SLC12A7: variants seen among roughly 807,000 people sequenced by gnomAD.
SLC12A7 encodes the protein solute carrier family 12 member 7, also known as K-Cl cotransporter 4.
Under a neutral mutation model 120.6 loss-of-function variants are expected in SLC12A7, and 100 were observed. That is an observed-to-expected ratio of 0.83 (90% CI 0.71 to 0.98). SLC12A7 has a LOEUF of 0.98. Ranked by LOEUF, SLC12A7 falls within the 50% of genes least tolerant of loss-of-function variation. The pLI is 0.00. For synonymous variants in SLC12A7, 760 were observed against 678.0 expected (o/e 1.12, Z -1.88); for missense variants, 1,373 against 1,548.1 (o/e 0.89, Z 1.90).
chr5:1,069,406 C>T (rs545129663), intron 17 of SLC12A7, among the ~76,000 whole-genome samples: 4 of 152,290 alleles, frequency 2.6e-5, no homozygotes, highest in South Asian at 2.1e-4. Context: ...ACCGGGGAGG[C>T]GGTGGGGGGC....
At chr5:1,113,916 G>A (rs551068281), upstream of SLC12A7, among the ~76,000 whole-genome samples, 54 of 152,214 alleles carry the variant, frequency 3.5e-4, no homozygotes, top group Non-Finnish European at 6.8e-4. Flanking sequence ...GGGTGGGCAC[G>A]AGGCCTTCCC....
rs759339546 is a variant in SLC12A7 at position 1,053,392 on chromosome 5, G to A, written c.3117C>T (p.Leu1039=). 13 of 1,613,920 alleles carry A rather than the reference G, an allele frequency of 8.1e-6. No homozygotes were observed. In the African/African-American group the frequency reaches 1.2e-4, roughly 15 times the overall value. ...GGTTTTTGGGAGGACCTGGCATGTT[G>A]AGCAGGACCAGCTGCGCATCCTGGG... ...NKSQDAQLVL[L]NMPGPPKNRQ... is the part of the protein sequence containing the mutation. The change falls in exon 23 of 24, where the codon CTC becomes CTT. Residue 1039 remains leucine (L), a synonymous_variant. Coordinates refer to ENST00000264930, the MANE Select transcript of SLC12A7 (RefSeq NM_006598.3).
chr5:1,069,120 C>T (rs976034055), intron 17 of SLC12A7, among the ~76,000 whole-genome samples: 3 of 152,244 alleles, frequency 2.0e-5, no homozygotes, highest in African/African-American at 7.2e-5. Flanking sequence ...GCCATGACGC[C>T]GCCGTCAGGG....
intron 17 of SLC12A7, among the ~76,000 whole-genome samples, chr5:1,068,741 T>A (rs144540229): frequency 2.0e-5 from 3 of 152,372 alleles, no homozygotes; most frequent in African/African-American, 7.2e-5. Context: ...ACGGAGAGGA[T>A]CTGCCTGTGA....
Position 1,078,744 on chromosome 5 carries a change from C to T in SLC12A7, c.1411G>A (p.Val471Met). ...CCTTCAATGCAGGCCCCAAACAGCA[C>T]AATGCAGGAGAGATCCACAGCCCTC... ...TTSFIYLSCI[V>M]LFGACIEGVV... Residue 471 changes from valine to methionine, a missense_variant, in exon 11 of 24, where the codon GTG (valine) becomes ATG (methionine). By Grantham distance (21) the Val-to-Met change is conservative. Coordinates refer to ENST00000264930, the MANE Select transcript of SLC12A7 (RefSeq NM_006598.3). 1 of 1,611,124 alleles carries T rather than the reference C, an allele frequency of 6.2e-7. No homozygotes were observed. Among genetic ancestry groups the T allele is most frequent in the Non-Finnish European group, 8.5e-7 (1 of 1,179,682 alleles).
chr5:1,101,081 GGCCTCGGCCC>G (rs374605240), intron 1 of SLC12A7, among the ~76,000 whole-genome samples: 43 of 152,206 alleles, frequency 2.8e-4, no homozygotes, highest in African/African-American at 1.0e-3. Flanking sequence ...GAACAGCCCC[GGCCTCGGCCC>G]GCCTCGTACC....
At chr5:1,090,148 G>A (rs1740332629) in intron 3 of SLC12A7, among the ~76,000 whole-genome samples, 1 of 152,238 alleles carries the variant, frequency 6.6e-6, no homozygotes, top group South Asian at 2.1e-4. Context: ...GGGACCAGGT[G>A]AGGGGCAGCT....
In SLC12A7 at chr5:1,069,017, G is replaced by A. The variant is rs142838208; in HGVS notation, c.2242-3539C>T. On this transcript the variant is annotated intron_variant, in intron 17 of 23. Coordinates refer to ENST00000264930, the MANE Select transcript of SLC12A7 (RefSeq NM_006598.3). ...ATAAGGAACACGGAAAGGGACATAT[G>A]GGGACCAGGACCGTGAACATCCCCC... 4.3e-3 allele frequency among the ~76,000 whole-genome samples: 650 copies of A among 152,364 alleles called. 3 individuals are homozygous for A. The highest frequency in any genetic ancestry group is 0.015 in the African/African-American group (610 of 41,588).
At chr5:1,127,438 G>A in the SLC12A7 span, among the ~76,000 whole-genome samples, 1 of 152,262 alleles carries the variant, frequency 6.6e-6, no homozygotes, top group East Asian at 1.9e-4. Context: ...AGCCGCAGAA[G>A]TTGGAAGGGG....
At chr5:1,080,657 T>TGC (rs1345389144) in intron 9 of SLC12A7, among the ~76,000 whole-genome samples, 4 of 152,184 alleles carry the variant, frequency 2.6e-5, no homozygotes, top group Admixed American at 2.6e-4. Context: ...GGCGTGTGTG[T>TGC]GCGACTCGAA....
At chr5:1,152,716 C>T in the SLC12A7 span, among the ~76,000 whole-genome samples, 2 of 152,174 alleles carry the variant, frequency 1.3e-5, no homozygotes, top group African/African-American at 4.8e-5. Context: ...CGACACACCC[C>T]AGCCATTCTC....
intron 8 of SLC12A7, among the ~76,000 whole-genome samples, chr5:1,082,445 G>A (rs1739280567): frequency 7.1e-6 from 1 of 141,838 alleles, no homozygotes; most frequent in Non-Finnish European, 1.5e-5. Flanking sequence ...TTGGGTTCTG[G>A]AAAGCCTGGG....
At chr5:1,073,948 G>A in intron 16 of SLC12A7, 147 bp from the exon 17 acceptor site, 1 of 719,592 alleles carries the variant, frequency 1.4e-6, no homozygotes, top group African/African-American at 1.8e-5. Flanking sequence ...AAAAGGGGCA[G>A]GTGACAGATG....
intron 20 of SLC12A7, among the ~76,000 whole-genome samples, chr5:1,061,600 C>T (rs1012560103): frequency 3.3e-5 from 5 of 152,334 alleles, no homozygotes; most frequent in East Asian, 1.9e-4. Flanking sequence ...TCTCACCCGC[C>T]GCACCCGGCT....
At chr5:1,055,334 C>G (rs1735497600) in intron 22 of SLC12A7, among the ~76,000 whole-genome samples, 1 of 152,246 alleles carries the variant, frequency 6.6e-6, no homozygotes, top group South Asian at 2.1e-4. Flanking sequence ...TGCACACAGG[C>G]AGGTACACGT....
the SLC12A7 span, among the ~76,000 whole-genome samples, chr5:1,130,861 G>T: frequency 1.6e-3 from 249 of 152,314 alleles, no homozygotes; most frequent in African/African-American, 5.7e-3. Flanking sequence ...CAAGGGGAGC[G>T]GCTGGGCCAG....
intron 1 of SLC12A7, among the ~76,000 whole-genome samples, chr5:1,095,802 C>A (rs1381865652): frequency 6.6e-6 from 1 of 152,212 alleles, no homozygotes; most frequent in Non-Finnish European, 1.5e-5. Context: ...GCAAAGAGGG[C>A]ATCGCCGTCT....
chr5:1,088,416 G>C (rs550088048), intron 4 of SLC12A7, 56 bp from the exon 5 acceptor site: 1 of 1,520,750 alleles, frequency 6.6e-7, no homozygotes, highest in Non-Finnish European at 8.9e-7. Flanking sequence ...TGCCGGCATC[G>C]CAACACTCCC....
At chr5:1,056,013 G>A (rs1002043698) in intron 22 of SLC12A7, among the ~76,000 whole-genome samples, 4 of 152,164 alleles carry the variant, frequency 2.6e-5, no homozygotes, top group Non-Finnish European at 5.9e-5. Flanking sequence ...GCGGGGGCAG[G>A]CAGGGGACAG....
Sources: gnomAD v4.1 joint callset for allele counts (sites outside exome capture counted in the v4.1 genomes callset) on GRCh38, gnomAD v4.1.1 for gene constraint, MANE v1.5 for transcripts, NCBI Gene and HGNC (gene_info 2026-07-23, HGNC 2026-07-21) for gene names.